Variants in DUOX2 observed in about 807,000 individuals in gnomAD.
The protein encoded by DUOX2 is NADH/NADPH thyroid oxidase p138-tox.
A neutral mutation model predicts 183.3 loss-of-function variants in DUOX2; 185 were observed. The ratio of observed to expected loss-of-function variants is 1.01; its 90% CI spans 0.90 to 1.14. The LOEUF is 1.14. Ranked by LOEUF, DUOX2 falls within the 50% of genes most tolerant of loss-of-function variation. The pLI is 0.00. For synonymous variants in DUOX2, 788 were observed against 812.4 expected (o/e 0.97, Z 0.51); for missense variants, 1,999 against 2,022.9 (o/e 0.99, Z 0.23).
At chr15:45,100,696 A>T in intron 23 of DUOX2, 59 bp downstream of exon 23, 1 of 1,418,752 alleles carries the variant, frequency 7.0e-7, no homozygotes, top group Non-Finnish European at 1.0e-6. Context: ...GGTGGGGCCT[A>T]GGGACCCTAA....
At chr15:45,095,237 CA>C in intron 31 of DUOX2, 146 bp from the exon 32 acceptor site, 1 of 1,395,246 alleles carries the variant, frequency 7.2e-7, no homozygotes, top group Non-Finnish European at 9.8e-7. Context: ...CCCAGGCTTC[CA>C]ACTGACAGGT....
At chr15:45,102,485 G>A (rs1339894511) in intron 20 of DUOX2, among the ~76,000 whole-genome samples, 2 of 152,208 alleles carry the variant, frequency 1.3e-5, no homozygotes, top group African/African-American at 4.8e-5. Flanking sequence ...CAACCTGATA[G>A]CACCCACAGT....
At chr15:45,113,315 C>A (rs966531805) in intron 2 of DUOX2, 27 bp downstream of exon 2, 2 of 1,553,352 alleles carry the variant, frequency 1.3e-6, no homozygotes, top group Non-Finnish European at 8.7e-7. Context: ...GGGGAACACC[C>A]CGCCGCTAGA....
intron 29 of DUOX2, among the ~76,000 whole-genome samples, chr15:45,096,518 A>C (rs1300309603): frequency 6.6e-6 from 1 of 152,222 alleles, no homozygotes; most frequent in Non-Finnish European, 1.5e-5. Context: ...TGCTAAGGTA[A>C]GTGGAAAACC....
In DUOX2 at chr15:45,102,201, C is replaced by G. The variant is rs147298434; in HGVS notation, c.2655-212G>C. Among the ~76,000 whole-genome samples, 421 of 152,330 alleles carry G rather than the reference C, an allele frequency of 2.8e-3. 3 individuals are homozygous for G. The highest frequency in any genetic ancestry group is 9.6e-3 in the African/African-American group (400 of 41,564). On this transcript the variant is annotated intron_variant, in intron 20 of 33. Transcript: ENST00000389039. ...AGAACAGAATTGAAAGTGACCTTGA[C>G]CAATCAGAGAAAGCAGCCCTCAAAC...
Position 45,108,924 on chromosome 15 carries a change from G to C in DUOX2, c.1263C>G (p.Ser421=). 6.2e-7 allele frequency: 1 copy of C among 1,614,228 alleles called. No individual in the cohort carries two copies. The highest frequency in any genetic ancestry group is 8.5e-7 in the Non-Finnish European group (1 of 1,180,048). ...RDYWPGPGKF[S]RTDYVASSIQ... ...TGCTGCTGGCCACATAGTCTGTACGGGAGAATTTGCCAGGGCCAGGCCAGT... is the reference window on the plus strand; with the variant it reads ...TGCTGCTGGCCACATAGTCTGTACGCGAGAATTTGCCAGGGCCAGGCCAGT... The change falls in exon 12 of 34, where the codon TCC becomes TCG. Residue 421 remains serine, a synonymous_variant. Coordinates refer to ENST00000389039, the MANE Select transcript of DUOX2 (RefSeq NM_001363711.2).
rs368849023 is a variant in DUOX2 at position 45,095,924 on chromosome 15, T to G, written c.3984A>C (p.Thr1328=). The G allele has an allele frequency of 8.1e-6, 13 of 1,613,416 alleles. No homozygotes were observed. The highest frequency in any genetic ancestry group is 1.1e-5 in the Non-Finnish European group (13 of 1,179,886). Residue 1328 remains threonine, a synonymous_variant, in exon 30 of 34, where the codon ACA becomes ACC. Transcript: ENST00000389039. Reference sequence around the variant, plus strand: ...CCACTGCCCGGATGTGCAGGCTGAGTGTGTCCTCATGGGGCGCGGAGGTCA... The same window carrying G: ...CCACTGCCCGGATGTGCAGGCTGAGGGTGTCCTCATGGGGCGCGGAGGTCA... ...FTLTSAPHED[T]LSLHIRAVGP...
At position 45,110,491 on chromosome 15, in the gene DUOX2, G is replaced by T; in HGVS notation, c.977C>A (p.Pro326Gln). The T allele has an allele frequency of 6.2e-7, 1 of 1,614,132 alleles. No homozygotes were observed. ...CTGCTCAGAGGCCACCACAAATTCC[G>T]GGGAGATGCTGGGGTCTAGGAAAGG... ...YRPFLDPSIS[P>Q]EFVVASEQFF... Residue 326 changes from proline to glutamine, a missense_variant, in exon 9 of 34, where the codon CCG (proline) becomes CAG (glutamine). Physicochemically the swap from Pro to Gln is moderately conservative, Grantham distance 76 (BLOSUM62 -1). Around this residue, in one of 3 missense-constraint regions of DUOX2, gnomAD observed 1,628 missense variants for 1,608.6 expected, o/e 1.01. Coordinates refer to ENST00000389039, the MANE Select transcript of DUOX2 (RefSeq NM_001363711.2).
Position 45,109,141 on chromosome 15 carries a change from G to T in DUOX2, c.1235-189C>A, listed in dbSNP as rs1412616502. On this transcript the variant is annotated intron_variant, in intron 11 of 33. Coordinates refer to ENST00000389039, the MANE Select transcript of DUOX2 (RefSeq NM_001363711.2). ...ATGTCACCATGGGTGATCAGAGCCA[G>T]TTTTTCCAGTAAGACCCTTCCTCTA... 5 of 726,716 alleles carry T rather than the reference G, an allele frequency of 6.9e-6. No homozygotes were observed. The East Asian group carries it at 1.1e-4, about 16-fold the overall frequency. 45.0% of individuals were successfully genotyped at this position (726,716 alleles called of 1,614,324 possible). A position where few individuals can be genotyped will look rare whatever the true frequency, so the allele number is the denominator to read the frequency against.
chr15:45,113,132 G>A, intron 2 of DUOX2, 56 bp from the exon 3 acceptor site: 1 of 1,566,856 alleles, frequency 6.4e-7, no homozygotes, highest in South Asian at 1.1e-5. Context: ...CCCCTCCCGA[G>A]CAACGAAGGC....
rs61730030 is a variant in DUOX2 at position 45,100,816 on chromosome 15, G to A, written c.2944C>T (p.Pro982Ser). 4 of 1,613,576 alleles carry A rather than the reference G, an allele frequency of 2.5e-6. No individual in the cohort carries two copies. Among genetic ancestry groups the A allele is most frequent in the Non-Finnish European group, 3.4e-6 (4 of 1,179,678 alleles). ...AGCTCTGGGGCTTCTGGGGCAGGGG[G>A]CCCCAGTCCCTGGGGGTGGGAGCTG... ...GERSHPQGLG[P>S]PAPEAPELGG... is the part of the protein sequence containing the mutation. Residue 982 changes from proline to serine, a missense_variant, in exon 23 of 34, where the codon CCC becomes TCC. By Grantham distance (74) the Pro-to-Ser change is moderately conservative. Around this residue, in one of 3 missense-constraint regions of DUOX2, gnomAD observed 1,628 missense variants for 1,608.6 expected, o/e 1.01. Coordinates refer to ENST00000389039, the MANE Select transcript of DUOX2 (RefSeq NM_001363711.2).
In DUOX2 at chr15:45,094,033, G is replaced by A; in HGVS notation, c.*117C>T. The A allele has an allele frequency of 7.1e-7, 1 of 1,405,058 alleles. No homozygotes were observed. Among genetic ancestry groups the A allele is most frequent in the Non-Finnish European group, 1.0e-6 (1 of 994,286 alleles). 87.0% of individuals were successfully genotyped at this position (1,405,058 alleles called of 1,614,324 possible). On this transcript the variant is annotated 3_prime_UTR_variant, in exon 34 of 34. Coordinates refer to ENST00000389039, the MANE Select transcript of DUOX2 (RefSeq NM_001363711.2). ...TCCCAATATTGGGAGGGGCTCTGCA[G>A]CCCTCCAGCTGAGGCCTAAGGTGGA...
Position 45,104,137 on chromosome 15 carries a change from T to C in DUOX2, c.2560+3A>G. ...GATAGCCTGCCACCTCCCAGCCCCC[T>C]ACCTTTCATGAAGACCACCAGGATG... On this transcript the variant is annotated splice_donor_region_variant and intron_variant, in intron 19 of 33. Transcript: ENST00000389039. The C allele has an allele frequency of 6.2e-7, 1 of 1,614,114 alleles. No individual in the cohort carries two copies. The highest frequency in any genetic ancestry group is 8.5e-7 in the Non-Finnish European group (1 of 1,179,998).
Position 45,095,942 on chromosome 15 carries a change from G to A in DUOX2, c.3966C>T (p.Ser1322=), listed in dbSNP as rs61730032. 26,678 of 1,613,966 alleles carry A rather than the reference G, an allele frequency of 0.017. 359 individuals carry two copies. The highest frequency in any genetic ancestry group is 0.059 in the African/African-American group (4,404 of 74,936). The change falls in exon 30 of 34, where the codon TCC becomes TCT. Residue 1322 remains serine (S), a synonymous_variant. Transcript: ENST00000389039. ...GGCTGAGTGTGTCCTCATGGGGCGC[G>A]GAGGTCAGTGTGAAGGGGTGGTACT... ...TTEYHPFTLT[S]APHEDTLSLH...
rs113739971 is a variant in DUOX2 at position 45,094,848 on chromosome 15, C to T, written c.4395+88G>A. 2.5e-4 allele frequency: 404 copies of T among 1,598,876 alleles called. No homozygotes were observed. In the African/African-American group the frequency reaches 4.4e-3, roughly 18 times the overall value. ...TGTGCCTCCTGCCAGCTCAGCCTGG[C>T]CGTCCACCCACCTGCCCTGGCCATC... is the stretch of plus-strand genomic sequence containing the variant. On this transcript the variant is annotated intron_variant, in intron 32 of 33. Coordinates refer to ENST00000389039, the MANE Select transcript of DUOX2 (RefSeq NM_001363711.2).
At position 45,110,678 on chromosome 15, in the gene DUOX2, G is replaced by A; in HGVS notation, c.915C>T (p.Phe305=). The change falls in exon 8 of 34, where the codon TTC becomes TTT. Residue 305 remains phenylalanine (F), a synonymous_variant. Coordinates refer to ENST00000389039, the MANE Select transcript of DUOX2 (RefSeq NM_001363711.2). Reference sequence around the variant, plus strand: ...TATACTCCGGGAGTGTTTTCTGCAGGAAGCTGGGCAGCCACTCATACACAG... The same window carrying A: ...TATACTCCGGGAGTGTTTTCTGCAGAAAGCTGGGCAGCCACTCATACACAG... ...NIAVYEWLPS[F]LQKTLPEYTG... is the part of the protein sequence containing the mutation. The A allele has an allele frequency of 6.2e-7, 1 of 1,612,546 alleles. No homozygotes were observed. Among genetic ancestry groups the A allele is most frequent in the Non-Finnish European group, 8.5e-7 (1 of 1,179,952 alleles).
chr15:45,095,281 C>T (rs1007932305), intron 31 of DUOX2, among the ~76,000 whole-genome samples, 156 bp downstream of exon 31: 4 of 152,246 alleles, frequency 2.6e-5, no homozygotes, highest in African/African-American at 9.6e-5. Context: ...ATACCACCAA[C>T]CTCCCTCCAA....
chr15:45,106,475 C>T, intron 16 of DUOX2, 53 bp downstream of exon 16: 1 of 1,602,184 alleles, frequency 6.2e-7, no homozygotes, highest in Non-Finnish European at 8.5e-7. Context: ...TCCCAGACTC[C>T]TGTCTCTCCC....
chr15:45,105,945 G>C, intron 17 of DUOX2, 117 bp from the exon 18 acceptor site: 2 of 1,457,306 alleles, frequency 1.4e-6, no homozygotes, highest in Non-Finnish European at 1.9e-6. Context: ...ATCCATCCAG[G>C]CTGGGGCCAG....
Sources: gnomAD v4.1 joint callset for allele counts (sites outside exome capture counted in the v4.1 genomes callset) on GRCh38, gnomAD v4.1.1 for gene constraint, gnomAD v4.1.1 regional missense constraint, MANE v1.5 for transcripts, NCBI Gene and HGNC (gene_info 2026-07-23, HGNC 2026-07-21) for gene names.